DHX58: variants seen among roughly 807,000 people sequenced by gnomAD.
DHX58 encodes the protein DExH-box helicase 58.
In DHX58, 51 loss-of-function variants were observed where a neutral mutation model predicts 65.0. The observed-to-expected ratio is 0.78, with a 90% CI of 0.63 to 0.99. The LOEUF (loss-of-function observed/expected upper bound fraction) is 0.99, where lower values mean the gene tolerates loss of function less well. DHX58 is among the 50% of genes least tolerant of loss of function. The pLI, the probability that DHX58 is intolerant of heterozygous loss-of-function variation, is 0.00. For synonymous variants in DHX58, 350 were observed against 365.0 expected (o/e 0.96, Z 0.47); for missense variants, 773 against 891.8 (o/e 0.87, Z 1.70).
chr17:42,111,462 CCTGAACTCTTCACCATG>C lies in DHX58; in HGVS notation c.187_203del (p.His63AlafsTer30). The C allele has an allele frequency of 1.9e-6, 3 of 1,614,148 alleles. No homozygotes were observed. Among genetic ancestry groups the C allele is most frequent in the Non-Finnish European group, 2.5e-6 (3 of 1,180,024 alleles). On this transcript the variant is annotated frameshift_variant, in exon 4 of 14. Coordinates refer to ENST00000251642, the MANE Select transcript of DHX58 (RefSeq NM_024119.3). LOFTEE classifies it high-confidence loss of function. Reference sequence around the variant, plus strand: ...CGGTCCAGCGTCCATCCAGCATGCGCCTGAACTCTTCACCATGCTGGGTCACCAGGTGCACCTGGGGG... The same window carrying C: ...CGGTCCAGCGTCCATCCAGCATGCGCCTGGGTCACCAGGTGCACCTGGGGG...
At position 42,104,851 on chromosome 17, in the gene DHX58, T is replaced by C. The variant is rs782473256; in HGVS notation, c.1478A>G (p.Glu493Gly). The C allele has an allele frequency of 6.2e-7, 1 of 1,614,096 alleles. No homozygotes were observed. Among genetic ancestry groups the C allele is most frequent in the Non-Finnish European group, 8.5e-7 (1 of 1,180,004 alleles). The change falls in exon 11 of 14, where the codon GAG (glutamate) becomes GGG (glycine). Residue 493 changes from glutamate to glycine, a missense_variant. Coordinates refer to ENST00000251642, the MANE Select transcript of DHX58 (RefSeq NM_024119.3). ...CGTCTCCAGCGCCTCGTTGATCAGC[T>C]CCCGCTTCAGCTCCCGGCTACCTTC... The part of the protein sequence containing the change: ...ATEGSRELKR[E>G]LINEALETLM...
chr17:42,111,652 G>A, intron 3 of DHX58, 73 bp downstream of exon 3: 2 of 1,570,422 alleles, frequency 1.3e-6, no homozygotes, highest in South Asian at 1.2e-5. Flanking sequence ...AGTTCTGGTG[G>A]GGACTGGGAG....
intron 6 of DHX58, among the ~76,000 whole-genome samples, chr17:42,108,834 T>C: frequency 6.6e-6 from 1 of 152,258 alleles, no homozygotes; most frequent in East Asian, 1.9e-4. Flanking sequence ...TTCTTTCAGC[T>C]ATCTGCTCAC....
In DHX58 at chr17:42,107,640, G is replaced by A. The variant is rs782379550; in HGVS notation, c.961C>T (p.Leu321=). Residue 321 remains leucine, a synonymous_variant, in exon 8 of 14, where the codon CTG becomes TTG. Transcript: ENST00000251642. ...HREHVTKTQI[L]CAERRLLALF... ...GCCAGCAGCCGGCGCTCGGCACACA[G>A]GATCTGGGTTTTAGTGACGTGCTCC... 3.4e-5 allele frequency: 52 copies of A among 1,544,966 alleles called. No homozygotes were observed. Among genetic ancestry groups the A allele is most frequent in the Non-Finnish European group, 4.5e-5 (51 of 1,137,752 alleles).
In DHX58 at chr17:42,112,113, C is replaced by T; in HGVS notation, c.-2G>A. Reference sequence around the variant, plus strand: ...GCCCCCTGCCCAGCCCAGGACTCACCTGCTCTAGTAGGTAGGTCTGCCCAG... The same window carrying T: ...GCCCCCTGCCCAGCCCAGGACTCACTTGCTCTAGTAGGTAGGTCTGCCCAG... On this transcript the variant is annotated splice_region_variant and 5_prime_UTR_variant, in exon 2 of 14. Coordinates refer to ENST00000251642, the MANE Select transcript of DHX58 (RefSeq NM_024119.3). 1 of 531,472 alleles carries T rather than the reference C, an allele frequency of 1.9e-6. No individual in the cohort carries two copies. The highest frequency in any genetic ancestry group is 3.2e-6 in the Non-Finnish European group (1 of 309,172). The allele number at this position is 531,472 out of a possible 1,614,324, so 32.9% of individuals were successfully genotyped here.
chr17:42,107,380 A>G (rs1407161413), intron 8 of DHX58, among the ~76,000 whole-genome samples: 4 of 152,068 alleles, frequency 2.6e-5, no homozygotes, highest in Non-Finnish European at 4.4e-5. Context: ...AAAAAAAAAA[A>G]AAGTCAACAA....
In DHX58 at chr17:42,111,488, C is replaced by T. The variant is rs782581987; in HGVS notation, c.178G>A (p.Val60Met). 6.2e-7 allele frequency: 1 copy of T among 1,613,902 alleles called. No homozygotes were observed. Among genetic ancestry groups the T allele is most frequent in the Admixed American group, 1.7e-5 (1 of 59,990 alleles). Residue 60 changes from valine to methionine, a missense_variant, in exon 4 of 14, where the codon GTG becomes ATG. Val to Met is a conservative substitution (Grantham distance 21). Coordinates refer to ENST00000251642, the MANE Select transcript of DHX58 (RefSeq NM_024119.3). The stretch of plus-strand genomic sequence containing the variant: ...CTGAACTCTTCACCATGCTGGGTCA[C>T]CAGGTGCACCTGGGGGTGGAGAATG... ...VVVLVNRVHLVTQHGEEFRRM... is the reference protein window; with the variant it reads ...VVVLVNRVHLMTQHGEEFRRM...
chr17:42,111,773 C>T lies in DHX58; in HGVS notation c.120G>A (p.Arg40=), dbSNP rs2054159630. The T allele has an allele frequency of 2.5e-6, 4 of 1,614,006 alleles. No homozygotes were observed. The highest frequency in any genetic ancestry group is 1.1e-5 in the South Asian group (1 of 91,038). Residue 40 remains arginine (R), a synonymous_variant, in exon 3 of 14, where the codon CGG becomes CGA. Transcript: ENST00000251642. ...TGGCTCCATCCACAGTCTCTAGGTG[C>T]CGCTTGGCCACATAAGCAGCCGCCC... ...KTRAAAYVAK[R]HLETVDGAKV...
chr17:42,107,912 C>T (rs2054089455), intron 7 of DHX58, 70 bp downstream of exon 7: 5 of 1,603,554 alleles, frequency 3.1e-6, no homozygotes, highest in Non-Finnish European at 3.4e-6. Context: ...CCAAAGGCCT[C>T]CGCCCCGGCA....
intron 6 of DHX58, 111 bp downstream of exon 6, chr17:42,109,159 T>A: frequency 2.4e-6 from 2 of 847,778 alleles, no homozygotes; most frequent in Non-Finnish European, 3.6e-6. Context: ...CTTGGATACA[T>A]AGCAAGTGAC....
Position 42,101,456 on chromosome 17 carries a change from G to C in DHX58, c.*305C>G, listed in dbSNP as rs1390197238. Reference sequence around the variant, plus strand: ...TTATGAGGAGCCTCAAAAAATAGAAGTGGCCTTGGTAGGGAAGGAATGTCG... The same window carrying C: ...TTATGAGGAGCCTCAAAAAATAGAACTGGCCTTGGTAGGGAAGGAATGTCG... On this transcript the variant is annotated 3_prime_UTR_variant, in exon 14 of 14. Transcript: ENST00000251642. 1 of 279,526 alleles carries C rather than the reference G, an allele frequency of 3.6e-6. No individual in the cohort carries two copies. The highest frequency in any genetic ancestry group is 1.5e-4 in the South Asian group (1 of 6,708). The allele number at this position is 279,526 out of a possible 1,614,324, so 17.3% of individuals were successfully genotyped here. A position where few individuals can be genotyped will look rare whatever the true frequency, so the allele number is the denominator to read the frequency against.
chr17:42,103,840 G>A (rs782333713), intron 11 of DHX58, 42 bp from the exon 12 acceptor site: 12 of 1,577,810 alleles, frequency 7.6e-6, no homozygotes, highest in South Asian at 1.1e-5. Context: ...GGGCCTAAGA[G>A]AACGTTCCTT....
chr17:42,111,312 C>G lies in DHX58; in HGVS notation c.354G>C (p.Glu118Asp). ...GGCCCTCACCAGTGAGCTCCACGTG[C>G]TCCTCCTCCTCGGGGCTGGTCAGTG... ...QMALTSPEEE[E>D]HVELTVFSLI... Residue 118 changes from glutamate to aspartate, a missense_variant, in exon 4 of 14, where the codon GAG (glutamate) becomes GAC (aspartate). Physicochemically the swap from Glu to Asp is conservative, Grantham distance 45 (BLOSUM62 2). Transcript: ENST00000251642. 6.2e-7 allele frequency: 1 copy of G among 1,612,476 alleles called. No individual in the cohort carries two copies. Among genetic ancestry groups the G allele is most frequent in the Non-Finnish European group, 8.5e-7 (1 of 1,178,674 alleles).
rs782102140 is a variant in DHX58 at position 42,101,738 on chromosome 17, C to T, written c.*23G>A. The stretch of plus-strand genomic sequence containing the variant: ...CTCTCCCGCCCCCTACAGCCCAAAC[C>T]GGGCACTGCAGCAATGAGGTGGTCA... On this transcript the variant is annotated 3_prime_UTR_variant, in exon 14 of 14. Coordinates refer to ENST00000251642, the MANE Select transcript of DHX58 (RefSeq NM_024119.3). 6.1e-5 allele frequency: 98 copies of T among 1,610,416 alleles called. 1 individual carries two copies. The highest frequency in any genetic ancestry group is 5.9e-5 in the Non-Finnish European group (69 of 1,177,610).
chr17:42,105,636 G>A, intron 9 of DHX58, 100 bp downstream of exon 9: 1 of 1,474,044 alleles, frequency 6.8e-7, no homozygotes, highest in Non-Finnish European at 8.9e-7. Flanking sequence ...TTTCCCCAGG[G>A]TCTCCCTGCC....
In DHX58 at chr17:42,108,101, A is replaced by G. The variant is rs2054093352; in HGVS notation, c.686T>C (p.Phe229Ser). 1 of 1,614,140 alleles carries G rather than the reference A, an allele frequency of 6.2e-7. No homozygotes were observed. Among genetic ancestry groups the G allele is most frequent in the East Asian group, 2.2e-5 (1 of 44,872 alleles). Residue 229 changes from phenylalanine (F) to serine (S), a missense_variant, in exon 7 of 14, where the codon TTT (phenylalanine) becomes TCT (serine). Transcript: ENST00000251642. ...NLCHRRSQDP[F>S]GDLLKKLMDQ... Reference sequence around the variant, plus strand: ...CATGAGCTTCTTCAGCAAGTCCCCAAACGGATCCTGAGCAAGAGGAGAGTT... The same window carrying G: ...CATGAGCTTCTTCAGCAAGTCCCCAGACGGATCCTGAGCAAGAGGAGAGTT...
intron 6 of DHX58, among the ~76,000 whole-genome samples, chr17:42,108,875 C>T (rs1290149676): frequency 6.6e-6 from 1 of 152,284 alleles, no homozygotes; most frequent in African/African-American, 2.4e-5. Context: ...ACAGCATGGG[C>T]TCAAACCTGA....
At chr17:42,106,332 G>C in intron 8 of DHX58, among the ~76,000 whole-genome samples, 1 of 134,670 alleles carries the variant, frequency 7.4e-6, no homozygotes, top group East Asian at 2.1e-4. Flanking sequence ...GAAAGAAAGA[G>C]AAAGAAGAAA....
chr17:42,106,206 AAG>A (rs372178124), intron 8 of DHX58, among the ~76,000 whole-genome samples: 254 of 149,582 alleles, frequency 1.7e-3, no homozygotes, highest in East Asian at 0.012. Flanking sequence ...GAGAGAGAGA[AAG>A]AGAGAAGGAA....
Sources: allele counts gnomAD v4.1 joint callset (sites outside exome capture counted in the v4.1 genomes callset), GRCh38; gene constraint gnomAD v4.1.1; transcripts MANE v1.5; gene names NCBI Gene and HGNC (gene_info 2026-07-23, HGNC 2026-07-21).